The following RCOR3 variants were observed in gnomAD, a reference collection of about 807,000 sequenced individuals.
The protein encoded by RCOR3 is REST corepressor 3.
Under a neutral mutation model 64.1 loss-of-function variants are expected in RCOR3, and 13 were observed. The ratio of observed to expected loss-of-function variants is 0.20; its 90% confidence interval spans 0.13 to 0.32. The LOEUF is 0.32. Among genes scored for constraint, RCOR3 ranks in the 10% least tolerant of loss-of-function variants. The probability of loss-of-function intolerance (pLI) is 1.00; values close to 1 mark genes in which losing one functional copy is unlikely to be tolerated. For missense variants in RCOR3, 489 were observed against 701.2 expected, an observed-to-expected ratio of 0.70 and a Z score of 3.42; for synonymous variants, 215 against 239.0, an observed-to-expected ratio of 0.90 and a Z score of 0.93.
At chr1:211,259,796 C>T in intron 1 of RCOR3, 70 bp downstream of exon 1, 12 of 1,297,058 alleles carry the variant, frequency 9.3e-6, no homozygotes, top group Non-Finnish European at 1.0e-5. Context: ...CAGCCCCCTC[C>T]CCTCGCCGCT....
chr1:211,261,935 A>AAAAAAAAC (rs1315947893), intron 2 of RCOR3, among the ~76,000 whole-genome samples: 2 of 148,280 alleles, frequency 1.3e-5, no homozygotes, highest in African/African-American at 2.5e-5. Context: ...AAAAAAAAAA[A>AAAAAAAAC]AAAAAACTGA....
chr1:211,310,373 T>C (rs145155160), intron 10 of RCOR3, among the ~76,000 whole-genome samples: 1 of 152,266 alleles, frequency 6.6e-6, no homozygotes, highest in Admixed American at 6.5e-5. Flanking sequence ...TAGATATTTG[T>C]TGGAATATCT....
intron 8 of RCOR3, among the ~76,000 whole-genome samples, chr1:211,292,288 A>T (rs1177914676): frequency 6.6e-6 from 1 of 152,248 alleles, no homozygotes; most frequent in African/African-American, 2.4e-5. Context: ...AACGCATCTC[A>T]TATTTGGTTA....
intron 7 of RCOR3, among the ~76,000 whole-genome samples, chr1:211,281,016 C>T (rs897216909): frequency 6.7e-6 from 1 of 148,832 alleles, no homozygotes; most frequent in Non-Finnish European, 1.5e-5. Context: ...TATGTCTTAA[C>T]CACTCTAGAA....
In RCOR3 at chr1:211,316,262, A is replaced by G. The variant is rs1275103211; in HGVS notation, c.*2494A>G. 4 of 152,206 alleles carry G rather than the reference A, an allele frequency of 2.6e-5. No individual in the cohort carries two copies. Among genetic ancestry groups the G allele is most frequent in the African/African-American group, 7.2e-5 (3 of 41,462 alleles). The allele number at this position is 152,206 out of a possible 1,614,324, so 9.4% of individuals were successfully genotyped here. A position where few individuals can be genotyped will look rare whatever the true frequency, so the allele number is the denominator to read the frequency against. On this transcript the variant is annotated 3_prime_UTR_variant, in exon 12 of 12. Transcript: ENST00000419091. The stretch of plus-strand genomic sequence containing the variant: ...AAACTAATGGAAACAATGTTTTTCT[A>G]TATGATTTAATTCTAGTGTAATATG...
chr1:211,300,095 A>C (rs1331137257), intron 9 of RCOR3, among the ~76,000 whole-genome samples: 17 of 107,536 alleles, frequency 1.6e-4, no homozygotes, highest in South Asian at 2.9e-4. Flanking sequence ...TTTTTGAGAC[A>C]CTCTCACTCC....
At chr1:211,295,983 C>A (rs541863357) in intron 9 of RCOR3, among the ~76,000 whole-genome samples, 72 of 152,024 alleles carry the variant, frequency 4.7e-4, no homozygotes, top group African/African-American at 1.7e-3. Flanking sequence ...CATAGCAAGC[C>A]AACAATTAGG....
chr1:211,259,652 G>A lies in RCOR3; in HGVS notation c.92G>A (p.Ser31Asn). The A allele has an allele frequency of 6.5e-7, 1 of 1,547,308 alleles. No individual in the cohort carries two copies. The highest frequency in any genetic ancestry group is 8.7e-7 in the Non-Finnish European group (1 of 1,145,482). The change falls in exon 1 of 12, where the codon AGC (serine) becomes AAC (asparagine). Residue 31 changes from serine to asparagine, a missense_variant. Physicochemically the swap from Ser to Asn is conservative, Grantham distance 46. Transcript: ENST00000419091. Reference sequence around the variant, plus strand: ...AAGAGCCCGGCAGGCGGCGGCGGCAGCGGCGCCTCGTCCACCAACGGCGGG... The same window carrying A: ...AAGAGCCCGGCAGGCGGCGGCGGCAACGGCGCCTCGTCCACCAACGGCGGG... ...SAKSPAGGGG[S>N]GASSTNGGLH... is the part of the protein sequence containing the mutation.
intron 8 of RCOR3, among the ~76,000 whole-genome samples, chr1:211,289,832 T>G (rs1699028940): frequency 6.6e-6 from 1 of 152,164 alleles, no homozygotes. Context: ...AAGGGCAGCA[T>G]CATCATAATC....
intron 10 of RCOR3, among the ~76,000 whole-genome samples, chr1:211,308,784 T>C (rs1239534845): frequency 7.1e-6 from 1 of 141,334 alleles, no homozygotes; most frequent in East Asian, 2.3e-4. Context: ...GTATCTCGGC[T>C]CACTGCAACC....
Position 211,295,683 on chromosome 1 carries a change from A to G in RCOR3, c.947A>G (p.Asn316Ser). The G allele has an allele frequency of 3.1e-6, 5 of 1,613,644 alleles. No individual in the cohort carries two copies. The highest frequency in any genetic ancestry group is 4.2e-6 in the Non-Finnish European group (5 of 1,179,712). Residue 316 changes from asparagine to serine, a missense_variant, in exon 9 of 12, where the codon AAT becomes AGT. Physicochemically the swap from Asn to Ser is conservative, Grantham distance 46. Around this residue, in one of 2 missense-constraint regions of RCOR3, gnomAD observed 402 missense variants for 617.0 expected, o/e 0.65. Coordinates refer to ENST00000419091, the MANE Select transcript of RCOR3 (RefSeq NM_001136223.3). Reference sequence around the variant, plus strand: ...GGGGTTATTTTGTTGAAGGTTCAGAATGCTAAGCAAGTAAACAGTGCACTT... The same window carrying G: ...GGGGTTATTTTGTTGAAGGTTCAGAGTGCTAAGCAAGTAAACAGTGCACTT... ...ELISLKRQVQ[N>S]AKQVNSALKQ...
At chr1:211,275,703 T>G (rs1238655938) in intron 4 of RCOR3, among the ~76,000 whole-genome samples, 1 of 152,204 alleles carries the variant, frequency 6.6e-6, no homozygotes, top group Non-Finnish European at 1.5e-5. Context: ...ATAATTCTAT[T>G]TATATGTTCT....
chr1:211,271,362 C>T (rs1293516972), intron 3 of RCOR3, 53 bp downstream of exon 3: 4 of 1,388,098 alleles, frequency 2.9e-6, no homozygotes, highest in Non-Finnish European at 4.1e-6. Context: ...TCAGCCAATT[C>T]AAAATATGAC....
intron 10 of RCOR3, among the ~76,000 whole-genome samples, chr1:211,307,154 C>G (rs1700925978): frequency 6.6e-6 from 1 of 151,824 alleles, no homozygotes; most frequent in African/African-American, 2.4e-5. Context: ...TCCTAAAATC[C>G]AACTTGATAT....
intron 2 of RCOR3, among the ~76,000 whole-genome samples, chr1:211,263,141 C>T (rs145377431): frequency 0.028 from 4,224 of 150,042 alleles, 74 homozygotes; most frequent in South Asian, 0.074. Context: ...TTTGTCCTTG[C>T]GATAGTTTAC....
chr1:211,268,108 TA>T (rs1695511382), intron 2 of RCOR3, among the ~76,000 whole-genome samples: 1 of 152,178 alleles, frequency 6.6e-6, no homozygotes, highest in African/African-American at 2.4e-5. Flanking sequence ...AAGTAGGATT[TA>T]AATGATCTTA....
At position 211,289,338 on chromosome 1, in the gene RCOR3, A is replaced by T; in HGVS notation, c.881A>T (p.Asn294Ile). Residue 294 changes from asparagine (N) to isoleucine (I), a missense_variant, in exon 8 of 12, where the codon AAT (asparagine) becomes ATT (isoleucine). Asn to Ile is a moderately radical substitution (Grantham distance 149). Transcript: ENST00000419091. ...GTGGTAGCAGTTTCCTGTAGTCCCA[A>T]TGCAGCCAACACCATCCTGAGGCAA... is the stretch of plus-strand genomic sequence containing the variant. Reference protein sequence around the residue: ...EDVVAVSCSPNAANTILRQLD... With the variant: ...EDVVAVSCSPIAANTILRQLD... 1 of 1,614,166 alleles carries T rather than the reference A, an allele frequency of 6.2e-7. No homozygotes were observed. The highest frequency in any genetic ancestry group is 1.1e-5 in the South Asian group (1 of 91,090).
At chr1:211,291,357 G>T (rs1032490489) in intron 8 of RCOR3, among the ~76,000 whole-genome samples, 2 of 152,158 alleles carry the variant, frequency 1.3e-5, no homozygotes, top group Non-Finnish European at 2.9e-5. Context: ...AAAGGAAATG[G>T]TCATTGGAGC....
chr1:211,274,359 T>A, intron 4 of RCOR3, 97 bp downstream of exon 4: 1 of 764,144 alleles, frequency 1.3e-6, no homozygotes, highest in Admixed American at 2.5e-5. Flanking sequence ...GTGCATAAGC[T>A]TGACCAGCTA....
Sources: gnomAD v4.1 joint callset for allele counts (sites outside exome capture counted in the v4.1 genomes callset) on GRCh38, gnomAD v4.1.1 for gene constraint, gnomAD v4.1.1 regional missense constraint, MANE v1.5 for transcripts, NCBI Gene and HGNC (gene_info 2026-07-23, HGNC 2026-07-21) for gene names.